The following MYPN variants were observed in gnomAD, a reference collection of about 807,000 sequenced individuals.
MYPN encodes myopalladin.
In MYPN, 63 loss-of-function variants were observed where a neutral mutation model predicts 129.4. The ratio of observed to expected loss-of-function variants is 0.49; its 90% CI spans 0.40 to 0.60. MYPN has a LOEUF of 0.60. MYPN is among the 20% of genes least tolerant of loss of function. The pLI, the probability that MYPN is intolerant of heterozygous loss-of-function variation, is 0.00. For missense variants in MYPN, 1,596 were observed against 1,635.4 expected, an observed-to-expected ratio of 0.98 and a Z score of 0.42; for synonymous variants, 629 against 600.9, an observed-to-expected ratio of 1.05 and a Z score of -0.68.
At chr10:68,106,041 T>G, upstream of MYPN, 1 of 430,338 alleles carries the variant, frequency 2.3e-6, no homozygotes, top group South Asian at 1.7e-5. Context: ...AACGGAACCC[T>G]GTAAATACCC....
intron 18 of MYPN, among the ~76,000 whole-genome samples, chr10:68,202,279 A>G (rs1437282133): frequency 6.6e-6 from 1 of 152,020 alleles, no homozygotes; most frequent in African/African-American, 2.4e-5. Flanking sequence ...AAAAAATACA[A>G]AAAATTAGCC....
intron 6 of MYPN, among the ~76,000 whole-genome samples, chr10:68,151,455 T>G: frequency 6.6e-6 from 1 of 152,242 alleles, no homozygotes. Context: ...ATGTTGTGAT[T>G]TGGTGGATAC....
intron 1 of MYPN, among the ~76,000 whole-genome samples, chr10:68,094,064 A>G (rs2041943852): frequency 6.6e-6 from 1 of 152,044 alleles, no homozygotes; most frequent in Non-Finnish European, 1.5e-5. Flanking sequence ...AGTGAGGACA[A>G]CCAAAGGTCA....
chr10:68,095,751 G>A (rs533520915), intron 1 of MYPN, among the ~76,000 whole-genome samples: 1 of 132,584 alleles, frequency 7.5e-6, no homozygotes, highest in Non-Finnish European at 1.5e-5. Flanking sequence ...GTTGCCAGCA[G>A]TTGGGGGAAG....
chr10:68,199,491 A>G lies in MYPN; in HGVS notation c.3409A>G (p.Thr1137Ala). 1 of 1,614,108 alleles carries G rather than the reference A, an allele frequency of 6.2e-7. No homozygotes were observed. The highest frequency in any genetic ancestry group is 1.1e-5 in the South Asian group (1 of 91,078). Residue 1137 changes from threonine (T) to alanine (A), a missense_variant, in exon 17 of 20, where the codon ACT becomes GCT. Physicochemically the swap from Thr to Ala is moderately conservative, Grantham distance 58. Transcript: ENST00000358913. ...GVHSLLIDPL[T>A]QRDAGTYKCI... ...CCACTCTCTGCTCATTGACCCACTC[A>G]CTCAGCGCGACGCAGGGACCTATAA... is the stretch of plus-strand genomic sequence containing the variant.
At chr10:68,142,837 GT>G in intron 2 of MYPN, 102 bp from the exon 3 acceptor site, 1 of 1,122,886 alleles carries the variant, frequency 8.9e-7, no homozygotes, top group Middle Eastern at 2.0e-4. Context: ...TGTTGTTGTT[GT>G]TCTGACTTCA....
intron 19 of MYPN, among the ~76,000 whole-genome samples, chr10:68,208,358 C>G (rs2043851160): frequency 6.6e-6 from 1 of 152,098 alleles, no homozygotes; most frequent in Admixed American, 6.6e-5. Context: ...TTCTCTAGGT[C>G]TAGTTTTTGG....
intron 2 of MYPN, among the ~76,000 whole-genome samples, chr10:68,128,946 G>C (rs2042367460): frequency 6.6e-6 from 1 of 151,878 alleles, no homozygotes; most frequent in South Asian, 2.1e-4. Flanking sequence ...AGGGGGAAAT[G>C]GTTTGAGATA....
intron 3 of MYPN, among the ~76,000 whole-genome samples, chr10:68,144,922 G>A (rs898085885): frequency 1.3e-5 from 2 of 152,132 alleles, no homozygotes; most frequent in African/African-American, 4.8e-5. Flanking sequence ...TTTGAACAGT[G>A]CCACTAACTA....
upstream of MYPN, among the ~76,000 whole-genome samples, chr10:68,103,364 A>C (rs925067970): frequency 6.6e-6 from 1 of 152,212 alleles, no homozygotes; most frequent in African/African-American, 2.4e-5. Flanking sequence ...AGAAGTGTGT[A>C]TTAGCCGTTG....
intron 19 of MYPN, among the ~76,000 whole-genome samples, chr10:68,207,797 G>A (rs926977493): frequency 1.1e-4 from 17 of 152,194 alleles, no homozygotes; most frequent in African/African-American, 2.6e-4. Context: ...TTCATTTAAC[G>A]CTGAAAATTA....
chr10:68,107,394 G>A (rs1589515855), upstream of MYPN, among the ~76,000 whole-genome samples: 4 of 144,944 alleles, frequency 2.8e-5, no homozygotes, highest in Admixed American at 2.1e-4. Flanking sequence ...AGTCTGGAGT[G>A]CAATGGCACC....
intron 1 of MYPN, among the ~76,000 whole-genome samples, chr10:68,116,055 T>C (rs1158560294): frequency 1.3e-5 from 2 of 152,232 alleles, no homozygotes; most frequent in Non-Finnish European, 2.9e-5. Context: ...ATATTTTCCC[T>C]ACTAGAATGT....
chr10:68,156,156 A>T (rs115094169), intron 6 of MYPN, among the ~76,000 whole-genome samples: 56 of 152,246 alleles, frequency 3.7e-4, no homozygotes, highest in African/African-American at 1.3e-3. Context: ...TCATTTACTC[A>T]ACCCCTTCTG....
At chr10:68,166,243 A>G in intron 9 of MYPN, 51 bp from the exon 10 acceptor site, 1 of 1,612,760 alleles carries the variant, frequency 6.2e-7, no homozygotes, top group Non-Finnish European at 8.5e-7. Context: ...CACATGCCCC[A>G]ATTCAGGCTT....
chr10:68,195,247 C>T (rs1362011062), intron 14 of MYPN, among the ~76,000 whole-genome samples: 3 of 152,064 alleles, frequency 2.0e-5, no homozygotes, highest in African/African-American at 4.8e-5. Flanking sequence ...AAATGAAAGT[C>T]GTTACCATAC....
upstream of MYPN, among the ~76,000 whole-genome samples, chr10:68,108,403 T>G (rs2042038301): frequency 6.6e-6 from 1 of 152,102 alleles, no homozygotes; most frequent in Non-Finnish European, 1.5e-5. Context: ...GGTCAGAAAT[T>G]TTTGTGTATT....
In MYPN at chr10:68,145,344, A is replaced by G. The variant is rs16925151; in HGVS notation, c.1079-131A>G. Reference sequence around the variant, plus strand: ...CGGCGTTACTGAGTTCATTTCTAAGATTCTGTAGGTATTCAGATATTTAGG... The same window carrying G: ...CGGCGTTACTGAGTTCATTTCTAAGGTTCTGTAGGTATTCAGATATTTAGG... On this transcript the variant is annotated intron_variant, in intron 3 of 19. Coordinates refer to ENST00000358913, the MANE Select transcript of MYPN (RefSeq NM_032578.4). 8,646 of 752,932 alleles carry G rather than the reference A, an allele frequency of 0.011. 523 individuals are homozygous for G. In the African/African-American group the frequency reaches 0.13, roughly 11 times the overall value. The allele number at this position is 752,932 out of a possible 1,614,324, so 46.6% of individuals were successfully genotyped here. A position where few individuals can be genotyped will look rare whatever the true frequency, so the allele number is the denominator to read the frequency against.
upstream of MYPN, among the ~76,000 whole-genome samples, chr10:68,107,746 C>T (rs186853863): frequency 1.3e-5 from 2 of 152,294 alleles, no homozygotes; most frequent in African/African-American, 4.8e-5. Context: ...CTTTATTCTA[C>T]CTTTTAGTAT....
Sources: gnomAD v4.1 joint callset for allele counts (sites outside exome capture counted in the v4.1 genomes callset) on GRCh38, gnomAD v4.1.1 for gene constraint, MANE v1.5 for transcripts, NCBI Gene and HGNC (gene_info 2026-07-23, HGNC 2026-07-21) for gene names.